KCNK3: variants seen among roughly 807,000 people sequenced by gnomAD.
KCNK3 encodes potassium channel subfamily K member 3.
KCNK3 carries 9 observed loss-of-function variants against 27.3 expected under a neutral mutation model. The observed-to-expected ratio is 0.33, with a 90% confidence interval of 0.20 to 0.57. The LOEUF (loss-of-function observed/expected upper bound fraction) is 0.57. Ranked by LOEUF, KCNK3 falls within the 20% of genes least tolerant of loss-of-function variation. KCNK3 has a pLI of 0.87. For missense variants in KCNK3, 391 were observed against 577.7 expected (o/e 0.68, Z 3.31); for synonymous variants, 278 against 273.8 (o/e 1.02, Z -0.15).
intron 1 of KCNK3, among the ~76,000 whole-genome samples, chr2:26,717,325 G>T (rs1169431697): frequency 6.6e-6 from 1 of 152,190 alleles, no homozygotes; most frequent in Non-Finnish European, 1.5e-5. Context: ...GTTGGGAGAA[G>T]TTCATTCCCT....
rs940505217 is a variant in KCNK3 at position 26,721,380 on chromosome 2, C to A, written c.284-6287C>A. On this transcript the variant is annotated intron_variant, in intron 1 of 1. Transcript: ENST00000302909. The surrounding 1 kb of genome is among the most constrained non-coding windows in gnomAD (Gnocchi z 4.3). The stretch of plus-strand genomic sequence containing the variant: ...ACCTGCGCCCTCCTCCCGTCTCCAC[C>A]AAGCTGCAGCCCCTCCCTCCTCTCC... Among the ~76,000 whole-genome samples, 7 of 152,114 alleles carry A rather than the reference C, an allele frequency of 4.6e-5. No homozygotes were observed. Among genetic ancestry groups the A allele is most frequent in the African/African-American group, 1.4e-4 (6 of 41,406 alleles).
chr2:26,709,773 C>A (rs1260488398), intron 1 of KCNK3, among the ~76,000 whole-genome samples: 1 of 152,200 alleles, frequency 6.6e-6, no homozygotes, highest in Non-Finnish European at 1.5e-5. Context: ...AGCCTTATAT[C>A]CCTCAAGCAA....
rs113521643 is a variant in KCNK3 at position 26,727,836 on chromosome 2, C to T, written c.453C>T (p.Arg151=). Residue 151 remains arginine (R), a synonymous_variant, in exon 2 of 2, where the codon CGC becomes CGT. Transcript: ENST00000302909. ...HRAKKGLGMR[R]ADVSMANMVL... is the part of the protein sequence containing the mutation. ...CCAAGAAGGGGCTGGGCATGCGGCGCGCCGACGTGTCCATGGCCAACATGG... is the reference window on the plus strand; with the variant it reads ...CCAAGAAGGGGCTGGGCATGCGGCGTGCCGACGTGTCCATGGCCAACATGG... 13 of 1,612,174 alleles carry T rather than the reference C, an allele frequency of 8.1e-6. 1 individual carries two copies. The South Asian group carries it at 1.1e-4, about 14-fold the overall frequency.
rs201539884 is a variant in KCNK3, at chr2:26,728,544, C to G, written c.1161C>G (p.Leu387=). The part of the protein sequence containing the change: ...GLHSLSTFRG[L]MKRRSSV ...ACAGCCTGTCCACCTTCCGCGGCCT[C>G]ATGAAGCGCAGGAGCTCCGTGTGAC... The change falls in exon 2 of 2, where the codon CTC becomes CTG. Residue 387 remains leucine, a synonymous_variant. Coordinates refer to ENST00000302909, the MANE Select transcript of KCNK3 (RefSeq NM_002246.3). 2.0e-5 allele frequency: 30 copies of G among 1,464,562 alleles called. No individual in the cohort carries two copies. In the East Asian group the frequency reaches 7.6e-4, roughly 37 times the overall value. 90.7% of individuals were successfully genotyped at this position (1,464,562 alleles called of 1,614,324 possible). A position where few individuals can be genotyped will look rare whatever the true frequency, so the allele number is the denominator to read the frequency against.
At chr2:26,715,884 C>T (rs1442868764) in intron 1 of KCNK3, among the ~76,000 whole-genome samples, 1 of 152,218 alleles carries the variant, frequency 6.6e-6, no homozygotes, top group Non-Finnish European at 1.5e-5. Context: ...TGCTTTGGGC[C>T]AGCTGACATT....
intron 1 of KCNK3, among the ~76,000 whole-genome samples, chr2:26,698,674 G>T (rs1670265094): frequency 1.3e-5 from 2 of 152,070 alleles, no homozygotes; most frequent in African/African-American, 4.8e-5. Context: ...TGAGGTTGAG[G>T]GCCAGGAGAT....
chr2:26,703,934 G>A (rs1047203326), intron 1 of KCNK3, among the ~76,000 whole-genome samples: 2 of 152,200 alleles, frequency 1.3e-5, no homozygotes, highest in African/African-American at 2.4e-5. Flanking sequence ...AGATCCTGGA[G>A]GGCTCTGGAC....
intron 1 of KCNK3, among the ~76,000 whole-genome samples, chr2:26,703,885 C>G (rs922538706): frequency 3.3e-5 from 5 of 152,128 alleles, no homozygotes; most frequent in African/African-American, 1.2e-4. Flanking sequence ...ATGACACACG[C>G]CAGGGCATGA....
intron 1 of KCNK3, among the ~76,000 whole-genome samples, chr2:26,698,432 A>G (rs1670261795): frequency 6.6e-6 from 1 of 152,088 alleles, no homozygotes; most frequent in African/African-American, 2.4e-5. Context: ...AATCTCTCTG[A>G]GCTTGTTTTG....
intron 1 of KCNK3, among the ~76,000 whole-genome samples, chr2:26,710,631 C>T (rs1260596048): frequency 6.6e-6 from 1 of 152,070 alleles, no homozygotes; most frequent in East Asian, 1.9e-4. Context: ...AGCCTGGCTC[C>T]CCTTCCCTAC....
chr2:26,725,895 A>C (rs1663407512), intron 1 of KCNK3, among the ~76,000 whole-genome samples: 2 of 152,190 alleles, frequency 1.3e-5, no homozygotes, highest in Admixed American at 6.5e-5. Context: ...GAAACATGAC[A>C]GTAATCTGGC....
Position 26,728,179 on chromosome 2 carries a change from CGCAACGG to C in KCNK3, c.800_806del (p.Asn267ArgfsTer59). The C allele has an allele frequency of 6.4e-7, 1 of 1,572,376 alleles. No individual in the cohort carries two copies. The highest frequency in any genetic ancestry group is 8.6e-7 in the Non-Finnish European group (1 of 1,158,884). ...CGCCGAGCACCGCGCGCTGCTCACG[CGCAACGG>C]GCAGGCGGGCGGCGGCGGAGGGGGT... On this transcript the variant is annotated frameshift_variant, in exon 2 of 2. Transcript: ENST00000302909. LOFTEE classifies it high-confidence loss of function.
intron 1 of KCNK3, among the ~76,000 whole-genome samples, chr2:26,703,954 T>C (rs1235798822): frequency 6.6e-6 from 1 of 152,132 alleles, no homozygotes; most frequent in Non-Finnish European, 1.5e-5. Flanking sequence ...CTCTGGTGTG[T>C]GGACTTGAGT....
At chr2:26,725,711 G>A (rs1428745904) in intron 1 of KCNK3, among the ~76,000 whole-genome samples, 1 of 152,210 alleles carries the variant, frequency 6.6e-6, no homozygotes, top group African/African-American at 2.4e-5. Context: ...CTAGCAAATG[G>A]TGACACAGTT....
At chr2:26,725,860 G>T (rs934965616) in intron 1 of KCNK3, among the ~76,000 whole-genome samples, 18 of 152,268 alleles carry the variant, frequency 1.2e-4, no homozygotes, top group African/African-American at 3.6e-4. Flanking sequence ...GAACTGAGCT[G>T]CCCTCAAGCC....
chr2:26,704,049 T>C (rs981197951), intron 1 of KCNK3, among the ~76,000 whole-genome samples: 1 of 152,162 alleles, frequency 6.6e-6, no homozygotes, highest in Admixed American at 6.5e-5. Flanking sequence ...ATGACCCCAG[T>C]TGAAGCAGTG....
At chr2:26,694,413 T>C (rs924182789) in intron 1 of KCNK3, among the ~76,000 whole-genome samples, 4 of 152,192 alleles carry the variant, frequency 2.6e-5, no homozygotes, top group Non-Finnish European at 2.9e-5. Context: ...AAGATGGCAT[T>C]GTTTTCCTGG....
rs79331756 is a variant in KCNK3 at position 26,724,526 on chromosome 2, G to C, written c.284-3141G>C. On this transcript the variant is annotated intron_variant, in intron 1 of 1. Coordinates refer to ENST00000302909, the MANE Select transcript of KCNK3 (RefSeq NM_002246.3). ...AATCATAATAGTGACCTTGTAAGAA[G>C]TTTTTGAGGATTAAGTTAAAAATAC... The C allele has an allele frequency of 1.9e-3, 1,696 of 900,866 alleles. 19 individuals carry two copies. In the African/African-American group the frequency reaches 0.028, roughly 15 times the overall value. The allele number at this position is 900,866 out of a possible 1,614,324, so 55.8% of individuals were successfully genotyped here.
chr2:26,697,106 A>G (rs1670243715), intron 1 of KCNK3, among the ~76,000 whole-genome samples: 1 of 152,050 alleles, frequency 6.6e-6, no homozygotes, highest in Admixed American at 6.5e-5. Context: ...TGACTCCCCC[A>G]TGGCCTCAGG....
Sources: allele counts gnomAD v4.1 joint callset (sites outside exome capture counted in the v4.1 genomes callset), GRCh38; gene constraint gnomAD v4.1.1; non-coding constraint Gnocchi (gnomAD v3.1); transcripts MANE v1.5; gene names NCBI Gene and HGNC (gene_info 2026-07-23, HGNC 2026-07-21).